PAM16: variants seen among roughly 807,000 people sequenced by gnomAD.
The protein encoded by PAM16 is mitochondrial import inner membrane translocase subunit TIM16.
In PAM16, 11 loss-of-function variants were observed where a neutral mutation model predicts 17.9. The observed-to-expected ratio is 0.62, with a 90% confidence interval of 0.39 to 1.02. The LOEUF is 1.02. Among genes scored for constraint, PAM16 ranks in the 50% least tolerant of loss-of-function variants. The probability of loss-of-function intolerance (pLI) is 0.01; values close to 1 mark genes in which losing one functional copy is unlikely to be tolerated. For synonymous variants in PAM16, 72 were observed against 67.4 expected (o/e 1.07, Z -0.34); for missense variants, 199 against 165.4 (o/e 1.20, Z -1.11).
intron 1 of PAM16, 134 bp from the exon 2 acceptor site, chr16:4,343,425 CA>C: frequency 6.9e-7 from 1 of 1,451,182 alleles, no homozygotes; most frequent in Non-Finnish European, 9.1e-7. Flanking sequence ...AGCCCCAGGC[CA>C]ACCCCTCCAA....
In PAM16 at chr16:4,340,930, A is replaced by G. The variant is rs2053634402; in HGVS notation, c.281T>C (p.Leu94Pro). 6.2e-7 allele frequency: 1 copy of G among 1,613,584 alleles called. No homozygotes were observed. The highest frequency in any genetic ancestry group is 8.5e-7 in the Non-Finnish European group (1 of 1,179,958). The change falls in exon 4 of 5, where the codon CTG becomes CCG. Residue 94 changes from leucine to proline, a missense_variant. Transcript: ENST00000318059. ...TCAAAGACCACTCACCTTTGACTGCAGGTAGAAGGAGCCACCCACGGATTT... is the reference window on the plus strand; with the variant it reads ...TCAAAGACCACTCACCTTTGACTGCGGGTAGAAGGAGCCACCCACGGATTT... ...NDKSVGGSFY[L>P]QSKVVRAKER...
chr16:4,343,517 C>T, intron 1 of PAM16: 1 of 1,425,904 alleles, frequency 7.0e-7, no homozygotes. Context: ...CTTGACCGAG[C>T]TCCCAGAGGC....
intron 1 of PAM16, among the ~76,000 whole-genome samples, chr16:4,350,627 T>A (rs2053836624): frequency 6.6e-6 from 1 of 152,088 alleles, no homozygotes. Flanking sequence ...GGTCTCGAAC[T>A]CCTGACCTCG....
intron 1 of PAM16, chr16:4,345,711 G>T: frequency 4.0e-6 from 1 of 250,312 alleles, no homozygotes; most frequent in Non-Finnish European, 6.3e-6. Context: ...TGTGATCACA[G>T]CGAGGGGCAG....
At chr16:4,351,095 GC>G in intron 1 of PAM16, 136 bp downstream of exon 1, 1 of 409,734 alleles carries the variant, frequency 2.4e-6, no homozygotes, top group Non-Finnish European at 4.0e-6. Context: ...CGGGTGCAAC[GC>G]CCCCAGACCA....
At chr16:4,350,965 G>C (rs1258355832) in intron 1 of PAM16, 2 of 302,692 alleles carry the variant, frequency 6.6e-6, no homozygotes, top group African/African-American at 4.4e-5. Flanking sequence ...CGCTGCCCAC[G>C]GCTGCTCGCT....
rs899503119 is a variant in PAM16, at chr16:4,351,216, C to G, written c.3+16G>C. The G allele has an allele frequency of 2.8e-6, 4 of 1,416,472 alleles. No individual in the cohort carries two copies. In the African/African-American group the frequency reaches 5.8e-5, roughly 21 times the overall value. 87.7% of individuals were successfully genotyped at this position (1,416,472 alleles called of 1,614,324 possible). ...CTCGGCTTCCCCTCCCCGGTAGCGC[C>G]CGACTCGGGGCTCACCATGGCAGCC... is the stretch of plus-strand genomic sequence containing the variant. On this transcript the variant is annotated intron_variant, in intron 1 of 4. Transcript: ENST00000318059.
chr16:4,343,637 A>G, intron 1 of PAM16: 1 of 1,183,488 alleles, frequency 8.4e-7, no homozygotes, highest in South Asian at 2.4e-5. Flanking sequence ...GAACACAGGG[A>G]CAGCCCTGGA....
At position 4,343,441 on chromosome 16, in the gene PAM16, C is replaced by T. The variant is rs531158913; in HGVS notation, c.4-150G>A. Reference sequence around the variant, plus strand: ...GCCCCAGGCCAACCCCTCCAAAGCACCCTGAATGAAAGCTTCCATGGTGGG... The same window carrying T: ...GCCCCAGGCCAACCCCTCCAAAGCATCCTGAATGAAAGCTTCCATGGTGGG... On this transcript the variant is annotated intron_variant, in intron 1 of 4. Transcript: ENST00000318059. The T allele has an allele frequency of 3.5e-6, 5 of 1,439,184 alleles. No individual in the cohort carries two copies. The South Asian group carries it at 4.4e-5, about 13-fold the overall frequency. 89.2% of individuals were successfully genotyped at this position (1,439,184 alleles called of 1,614,324 possible).
chr16:4,340,453 T>C (rs1335413498), intron 4 of PAM16, 48 bp from the exon 5 acceptor site: 2 of 1,592,426 alleles, frequency 1.3e-6, no homozygotes, highest in Non-Finnish European at 8.6e-7. Context: ...CTCCGCCCCA[T>C]ACCCCTTGCC....
chr16:4,340,880 T>C, intron 4 of PAM16, 40 bp downstream of exon 4: 5 of 1,610,794 alleles, frequency 3.1e-6, no homozygotes, highest in Non-Finnish European at 4.2e-6. Context: ...GAAGAAGGGG[T>C]CCCATGACTT....
In PAM16 at chr16:4,343,241, C is replaced by G; in HGVS notation, c.54G>C (p.Arg18Ser). 6.2e-7 allele frequency: 1 copy of G among 1,612,816 alleles called. No homozygotes were observed. The highest frequency in any genetic ancestry group is 8.5e-7 in the Non-Finnish European group (1 of 1,179,974). Residue 18 changes from arginine (R) to serine (S), a missense_variant, in exon 2 of 5, where the codon AGG (arginine) becomes AGC (serine). Physicochemically the swap from Arg to Ser is moderately radical, Grantham distance 110 (BLOSUM62 -1). Coordinates refer to ENST00000318059, the MANE Select transcript of PAM16 (RefSeq NM_016069.11). ...CCTGCCGCAAGGCCCGTGCAAAGGC[C>G]CTGCCCACCACCTGCACGCCCATCA... ...IIVMGVQVVG[R>S]AFARALRQEF...
chr16:4,343,569 C>T, intron 1 of PAM16: 2 of 1,391,344 alleles, frequency 1.4e-6, no homozygotes, highest in Non-Finnish European at 1.9e-6. Context: ...CGTAGAGGAG[C>T]AAGGCAAAGT....
intron 2 of PAM16, among the ~76,000 whole-genome samples, chr16:4,342,332 T>C (rs1260895805): frequency 6.7e-6 from 1 of 150,350 alleles, no homozygotes; most frequent in African/African-American, 2.5e-5. Flanking sequence ...CACTCCAGCC[T>C]GGGCAACACA....
At chr16:4,349,288 C>T (rs917276279) in intron 1 of PAM16, among the ~76,000 whole-genome samples, 5 of 151,818 alleles carry the variant, frequency 3.3e-5, no homozygotes, top group African/African-American at 9.7e-5. Context: ...TACTGTCATG[C>T]TGGGTGCGGT....
At chr16:4,348,074 C>T (rs542209489) in intron 1 of PAM16, 1 of 152,342 alleles carries the variant, frequency 6.6e-6, no homozygotes, top group East Asian at 1.9e-4. Context: ...CAGCCTGAGA[C>T]TCACTCTCAA....
At chr16:4,345,305 C>T (rs2053739306) in intron 1 of PAM16, 1 of 152,136 alleles carries the variant, frequency 6.6e-6, no homozygotes, top group Non-Finnish European at 1.5e-5. Flanking sequence ...TTCATTGTGC[C>T]GTTTAATTCT....
Position 4,342,655 on chromosome 16 carries a change from C to CA in PAM16, c.88+551dup, listed in dbSNP as rs34431696. Among the ~76,000 whole-genome samples, 173 of 145,088 alleles carry CA rather than the reference C, an allele frequency of 1.2e-3. 2 individuals are homozygous for CA. The highest frequency in any genetic ancestry group is 4.0e-3 in the African/African-American group (156 of 39,252). ...GGCAACAAGAGCGAAAACTCCGTCTCAAAAAAAAAAGATTTATTTACAAAA... is the reference window on the plus strand; with the variant it reads ...GGCAACAAGAGCGAAAACTCCGTCTCAAAAAAAAAAAGATTTATTTACAAAA... On this transcript the variant is annotated intron_variant, in intron 2 of 4. Transcript: ENST00000318059.
intron 2 of PAM16, among the ~76,000 whole-genome samples, chr16:4,342,251 G>A (rs1458144120): frequency 2.0e-5 from 3 of 150,976 alleles, no homozygotes; most frequent in Admixed American, 2.0e-4. Context: ...CCAGCTACTG[G>A]AGAGGCTGAG....
Sources: gnomAD v4.1 joint callset for allele counts (sites outside exome capture counted in the v4.1 genomes callset) on GRCh38, gnomAD v4.1.1 for gene constraint, MANE v1.5 for transcripts, NCBI Gene and HGNC (gene_info 2026-07-23, HGNC 2026-07-21) for gene names.